The following FBN3 variants were observed in gnomAD, a reference collection of about 807,000 sequenced individuals.
The protein encoded by FBN3 is fibrillin 3.
FBN3 carries 234 observed loss-of-function variants against 330.1 expected under a neutral mutation model. The ratio of observed to expected loss-of-function variants is 0.71; its 90% CI spans 0.64 to 0.79. The LOEUF is 0.79. FBN3 is among the 30% of genes least tolerant of loss of function. The pLI is 0.00. For missense variants in FBN3, 3,606 were observed against 3,886.9 expected (o/e 0.93, Z 1.92); for synonymous variants, 1,458 against 1,517.3 (o/e 0.96, Z 0.91).
At chr19:8,080,781 G>A (rs1240184118) in intron 59 of FBN3, among the ~76,000 whole-genome samples, 1 of 152,200 alleles carries the variant, frequency 6.6e-6, no homozygotes, top group South Asian at 2.1e-4. Context: ...CACCATGCCA[G>A]GCTAATTTTT....
intron 22 of FBN3, among the ~76,000 whole-genome samples, chr19:8,124,385 A>G (rs886531887): frequency 7.2e-5 from 11 of 151,774 alleles, no homozygotes; most frequent in Non-Finnish European, 1.3e-4. Context: ...CTGGGATTAC[A>G]GGTGTGTGCC....
At chr19:8,145,649 C>A (rs2145064632) in intron 5 of FBN3, among the ~76,000 whole-genome samples, 194 bp downstream of exon 5, 1 of 144,120 alleles carries the variant, frequency 6.9e-6, no homozygotes, top group South Asian at 2.2e-4. Flanking sequence ...CCACTGCACT[C>A]CAGCCTGAGT....
At chr19:8,087,736 G>A in intron 53 of FBN3, 89 bp downstream of exon 53, 1 of 1,181,982 alleles carries the variant, frequency 8.5e-7, no homozygotes. Context: ...AGCCTCCCAA[G>A]TAGCTGGGAT....
At chr19:8,093,965 G>C (rs2082155461) in intron 47 of FBN3, among the ~76,000 whole-genome samples, 1 of 152,080 alleles carries the variant, frequency 6.6e-6, no homozygotes, top group Admixed American at 6.6e-5. Context: ...GTCCAGGTTA[G>C]ACCACAGTGA....
At chr19:8,130,611 A>AGGAAGGAAGGAAG (rs1271445703) in intron 16 of FBN3, among the ~76,000 whole-genome samples, 8 of 15,494 alleles carry the variant, frequency 5.2e-4, no homozygotes, top group South Asian at 2.2e-3. Context: ...AAAGAAAGAA[A>AGGAAGGAAGGAAG]GAAAGAAAGA....
chr19:8,073,014 T>C (rs1188695963), intron 62 of FBN3, 49 bp downstream of exon 62: 5 of 1,115,562 alleles, frequency 4.5e-6, no homozygotes, highest in Middle Eastern at 2.0e-4. Context: ...CGTGCGTGCA[T>C]GGACGCTTGC....
chr19:8,074,903 G>T, intron 61 of FBN3, 168 bp downstream of exon 61: 2 of 809,894 alleles, frequency 2.5e-6, no homozygotes, highest in Non-Finnish European at 3.7e-6. Flanking sequence ...TTATTCTGCT[G>T]CACCTTGACT....
At chr19:8,135,936 G>GGGGGGGGGGCGCCCCCCC in intron 13 of FBN3, 25 bp downstream of exon 13, 1 of 668,778 alleles carries the variant, frequency 1.5e-6, no homozygotes, top group Non-Finnish European at 2.4e-6. Flanking sequence ...GGAAGCCCCT[G>GGGGGGGGGGCGCCCCCCC]CCCACCCGCC....
intron 51 of FBN3, 61 bp from the exon 52 acceptor site, chr19:8,088,240 C>T: frequency 6.5e-7 from 1 of 1,527,090 alleles, no homozygotes; most frequent in Non-Finnish European, 8.8e-7. Flanking sequence ...CAGTAGCATC[C>T]CATCTGCCTG....
In FBN3 at chr19:8,117,501, G is replaced by C. The variant is rs139062839; in HGVS notation, c.3426C>G (p.Ala1142=). ...GGCGGTCAGGTGTGCTCTGGAAGCCGGCATGGCAGGAGCACTGGAAGGCAC... is the reference window on the plus strand; with the variant it reads ...GGCGGTCAGGTGTGCTCTGGAAGCCCGCATGGCAGGAGCACTGGAAGGCAC... ...VIGAFQCSCH[A]GFQSTPDRQG... Residue 1142 remains alanine, a synonymous_variant, in exon 27 of 64, where the codon GCC becomes GCG. Transcript: ENST00000600128. The C allele has an allele frequency of 6.4e-7, 1 of 1,559,818 alleles. No individual in the cohort carries two copies. Among genetic ancestry groups the C allele is most frequent in the South Asian group, 1.2e-5 (1 of 84,504 alleles).
chr19:8,133,238 CTG>C, intron 13 of FBN3, 132 bp from the exon 14 acceptor site: 1 of 1,171,944 alleles, frequency 8.5e-7, no homozygotes, highest in Non-Finnish European at 1.1e-6. Flanking sequence ...CTGTGGTTGT[CTG>C]TGACTGTGTG....
chr19:8,085,592 C>A, intron 55 of FBN3, 23 bp from the exon 56 acceptor site: 2 of 1,512,332 alleles, frequency 1.3e-6, no homozygotes, highest in Non-Finnish European at 1.8e-6. Context: ...ATGGGAAAGA[C>A]AACGGTCACT....
chr19:8,080,602 C>T (rs1205317904), intron 59 of FBN3, among the ~76,000 whole-genome samples: 1 of 152,138 alleles, frequency 6.6e-6, no homozygotes, highest in Non-Finnish European at 1.5e-5. Flanking sequence ...CCCCAATGTC[C>T]AATACACACC....
In FBN3 at chr19:8,123,531, C is replaced by T. The variant is rs779473319; in HGVS notation, c.3015G>A (p.Thr1005=). The change falls in exon 24 of 64, where the codon ACG becomes ACA. Residue 1005 remains threonine (T), a synonymous_variant. Coordinates refer to ENST00000600128, the MANE Select transcript of FBN3 (RefSeq NM_032447.5). Reference sequence around the variant, plus strand: ...CACAGGCGCAGTGGAAGCTGCCCACCGTGTTTCTGCAGGTACCGTGCGTGC... The same window carrying T: ...CACAGGCGCAGTGGAAGCTGCCCACTGTGTTTCTGCAGGTACCGTGCGTGC... The part of the protein sequence containing the change: ...GLCTHGTCRN[T]VGSFHCACAG... 1.3e-5 allele frequency: 21 copies of T among 1,614,036 alleles called. No individual in the cohort carries two copies. The highest frequency in any genetic ancestry group is 3.3e-5 in the Admixed American group (2 of 60,000).
At chr19:8,081,237 T>C (rs2081775227) in intron 58 of FBN3, 118 bp from the exon 59 acceptor site, 1 of 1,477,180 alleles carries the variant, frequency 6.8e-7, no homozygotes, top group Non-Finnish European at 9.3e-7. Context: ...ACCTCGGAGA[T>C]GGTGCTTGAC....
intron 3 of FBN3, 78 bp from the exon 4 acceptor site, chr19:8,146,303 CCGGAA>C: frequency 8.2e-7 from 1 of 1,213,866 alleles, no homozygotes; most frequent in Non-Finnish European, 1.2e-6. Flanking sequence ...TCCGGGCTGG[CCGGAA>C]CACCTCAGTG....
At chr19:8,067,129 C>T (rs77364449) in intron 63 of FBN3, among the ~76,000 whole-genome samples, 18,768 of 135,020 alleles carry the variant, frequency 0.14, 1,654 homozygotes, top group East Asian at 0.43. Context: ...TCTTCTTTTT[C>T]TTTTTTTTTT....
chr19:8,131,216 G>A lies in FBN3; in HGVS notation c.2044+19C>T, dbSNP rs768900026. On this transcript the variant is annotated intron_variant, in intron 16 of 63. Coordinates refer to ENST00000600128, the MANE Select transcript of FBN3 (RefSeq NM_032447.5). This position sits in a 1 kb window ranked among gnomAD's most constrained non-coding sequence, Gnocchi z 4.5. ...AGGGGCAGGCTGGCTGCTGTTTGGAGGGGCTGGGCTCCACTTACCTCGACC... is the reference window on the plus strand; with the variant it reads ...AGGGGCAGGCTGGCTGCTGTTTGGAAGGGCTGGGCTCCACTTACCTCGACC... 4 of 1,603,120 alleles carry A rather than the reference G, an allele frequency of 2.5e-6. No individual in the cohort carries two copies. The South Asian group carries it at 4.5e-5, about 18-fold the overall frequency.
chr19:8,135,946 C>CCCCCCCA lies in FBN3; in HGVS notation c.1591+14_1591+15insTGGGGGG. On this transcript the variant is annotated intron_variant, in intron 13 of 63. Coordinates refer to ENST00000600128, the MANE Select transcript of FBN3 (RefSeq NM_032447.5). ...GGCCCGGAAGCCCCTGCCCACCCGC[C>CCCCCCCA]CACCCCCAACTCACCCACACAGTTC... is the stretch of plus-strand genomic sequence containing the variant. 1 of 492,328 alleles carries CCCCCCCA rather than the reference C, an allele frequency of 2.0e-6. No individual in the cohort carries two copies. The highest frequency in any genetic ancestry group is 4.0e-6 in the Non-Finnish European group (1 of 250,302). The allele number at this position is 492,328 out of a possible 1,614,324, so 30.5% of individuals were successfully genotyped here.
Sources: allele counts gnomAD v4.1 joint callset (sites outside exome capture counted in the v4.1 genomes callset), GRCh38; gene constraint gnomAD v4.1.1; non-coding constraint Gnocchi (gnomAD v3.1); transcripts MANE v1.5; gene names NCBI Gene and HGNC (gene_info 2026-07-23, HGNC 2026-07-21).